Variants in SCIN observed in about 807,000 individuals in gnomAD.
SCIN encodes the protein scinderin.
SCIN carries 91 observed loss-of-function variants against 91.8 expected under a neutral mutation model. The observed-to-expected ratio is 0.99, with a 90% CI of 0.84 to 1.18. The LOEUF (loss-of-function observed/expected upper bound fraction) is 1.18, where lower values mean the gene tolerates loss of function less well. SCIN is among the 50% of genes most tolerant of loss of function. The probability of loss-of-function intolerance (pLI) is 0.00; values close to 1 mark genes in which losing one functional copy is unlikely to be tolerated. For synonymous variants in SCIN, 367 were observed against 312.6 expected (o/e 1.17, Z -1.84); for missense variants, 1,087 against 863.9 (o/e 1.26, Z -3.24).
intron 13 of SCIN, among the ~76,000 whole-genome samples, chr7:12,645,454 A>G (rs1783945921): frequency 8.2e-6 from 1 of 121,444 alleles, no homozygotes; most frequent in African/African-American, 3.1e-5. Flanking sequence ...CTGCCTACAA[A>G]CCACGGTGAC....
intron 3 of SCIN, among the ~76,000 whole-genome samples, chr7:12,601,792 A>G (rs1237768152): frequency 6.6e-6 from 1 of 152,222 alleles, no homozygotes; most frequent in Admixed American, 6.5e-5. Context: ...TTTTGTTTCT[A>G]CTTAAATGTA....
intron 9 of SCIN, 33 bp downstream of exon 9, chr7:12,629,255 AC>A: frequency 6.3e-7 from 1 of 1,579,428 alleles, no homozygotes; most frequent in Non-Finnish European, 8.6e-7. Context: ...CTCGAGTTCC[AC>A]AGGAGCCAGA....
At chr7:12,584,898 G>A (rs1782556270) in intron 3 of SCIN, among the ~76,000 whole-genome samples, 1 of 152,144 alleles carries the variant, frequency 6.6e-6, no homozygotes, top group South Asian at 2.1e-4. Context: ...TTTGGAGTCT[G>A]GGGTTAACTC....
At chr7:12,610,161 CA>C (rs1431734811) in intron 4 of SCIN, among the ~76,000 whole-genome samples, 2 of 152,132 alleles carry the variant, frequency 1.3e-5, no homozygotes, top group East Asian at 3.9e-4. Flanking sequence ...GATTAAACTC[CA>C]AAGGTTCTCC....
In SCIN at chr7:12,608,547, G is replaced by A. The variant is rs141602964; in HGVS notation, c.666+3884G>A. 3.3e-4 allele frequency among the ~76,000 whole-genome samples: 50 copies of A among 151,876 alleles called. No individual in the cohort carries two copies. The East Asian group carries it at 8.7e-3, about 26-fold the overall frequency. On this transcript the variant is annotated intron_variant, in intron 4 of 15. Transcript: ENST00000297029. ...GTCTAGAGTGCAGTGGTACGGTCTCGGCACACTGCAGCCTCTGCCTTCTGG... is the reference window on the plus strand; with the variant it reads ...GTCTAGAGTGCAGTGGTACGGTCTCAGCACACTGCAGCCTCTGCCTTCTGG...
At chr7:12,629,244 T>C (rs1379319291) in intron 9 of SCIN, 22 bp downstream of exon 9, 2 of 1,587,258 alleles carry the variant, frequency 1.3e-6, no homozygotes, top group Non-Finnish European at 1.7e-6. Context: ...CGGGTAAAGA[T>C]CTCGAGTTCC....
chr7:12,607,215 T>C (rs1783096599), intron 4 of SCIN, among the ~76,000 whole-genome samples: 1 of 152,194 alleles, frequency 6.6e-6, no homozygotes, highest in Non-Finnish European at 1.5e-5. Flanking sequence ...AGTGAAGGGT[T>C]AGACAAAATG....
chr7:12,629,237 G>A lies in SCIN; in HGVS notation c.1319+15G>A. 6.3e-7 allele frequency: 1 copy of A among 1,590,082 alleles called. No individual in the cohort carries two copies. The highest frequency in any genetic ancestry group is 1.2e-5 in the South Asian group (1 of 85,850). On this transcript the variant is annotated intron_variant, in intron 9 of 15. Transcript: ENST00000297029. Reference sequence around the variant, plus strand: ...ATCTACACGTGGTGAGTTTATACGGGTAAAGATCTCGAGTTCCACAGGAGC... The same window carrying A: ...ATCTACACGTGGTGAGTTTATACGGATAAAGATCTCGAGTTCCACAGGAGC...
intron 3 of SCIN, among the ~76,000 whole-genome samples, chr7:12,581,471 A>G (rs1782487176): frequency 6.6e-6 from 1 of 152,194 alleles, no homozygotes; most frequent in Admixed American, 6.5e-5. Flanking sequence ...ACTAATTTTT[A>G]ATACATTTCC....
intron 11 of SCIN, among the ~76,000 whole-genome samples, chr7:12,642,485 C>T (rs540327624): frequency 6.6e-6 from 1 of 151,910 alleles, no homozygotes; most frequent in Admixed American, 6.6e-5. Flanking sequence ...TTTCTCTGTC[C>T]TTCTTAAGAG....
intron 3 of SCIN, among the ~76,000 whole-genome samples, chr7:12,598,852 G>A (rs1193409627): frequency 6.6e-6 from 1 of 151,956 alleles, no homozygotes. Flanking sequence ...AAGCTGCAGC[G>A]AGCCAAGACT....
chr7:12,587,965 C>T (rs1782625659), intron 3 of SCIN, among the ~76,000 whole-genome samples: 1 of 152,208 alleles, frequency 6.6e-6, no homozygotes, highest in South Asian at 2.1e-4. Context: ...TCCTCACTTA[C>T]TCCTGGCCAA....
chr7:12,651,366 A>G lies in SCIN; in HGVS notation c.1960-475A>G, dbSNP rs1011992101. Among the ~76,000 whole-genome samples the G allele has an allele frequency of 1.3e-5, 2 of 152,230 alleles. No individual in the cohort carries two copies. Among genetic ancestry groups the G allele is most frequent in the South Asian group, 2.1e-4 (1 of 4,832 alleles). The stretch of plus-strand genomic sequence containing the variant: ...CCGGCTGCACCACTGCAGATTCTCT[A>G]CAGATGCAGATCTTCCCCTACAAAA... On this transcript the variant is annotated intron_variant, in intron 14 of 15. Transcript: ENST00000297029. This position sits in a 1 kb window ranked among gnomAD's most constrained non-coding sequence, Gnocchi z 5.9.
intron 4 of SCIN, among the ~76,000 whole-genome samples, chr7:12,612,141 T>A (rs1783205238): frequency 6.6e-6 from 1 of 152,228 alleles, no homozygotes; most frequent in African/African-American, 2.4e-5. Flanking sequence ...TTATTTATCC[T>A]GCTTTTATTT....
chr7:12,604,058 A>G (rs919606817), intron 3 of SCIN, among the ~76,000 whole-genome samples: 2 of 152,064 alleles, frequency 1.3e-5, no homozygotes, highest in Non-Finnish European at 2.9e-5. Flanking sequence ...TCCACAATGT[A>G]TACATATATC....
intron 9 of SCIN, among the ~76,000 whole-genome samples, chr7:12,632,224 G>T (rs574752345): frequency 6.6e-6 from 1 of 151,418 alleles, no homozygotes; most frequent in Non-Finnish European, 1.5e-5. Context: ...TCCGCCTCCC[G>T]GGTTCAAGCT....
rs565121840 is a variant in SCIN at position 12,651,467 on chromosome 7, G to C, written c.1960-374G>C. ...CGAAATATGTCAAAGAAGTGTATTCGGAGGTGAAATATTTTGGTTTCCTTC... is the reference window on the plus strand; with the variant it reads ...CGAAATATGTCAAAGAAGTGTATTCCGAGGTGAAATATTTTGGTTTCCTTC... On this transcript the variant is annotated intron_variant, in intron 14 of 15. Transcript: ENST00000297029. This position sits in a 1 kb window ranked among gnomAD's most constrained non-coding sequence, Gnocchi z 5.9. 6.6e-6 allele frequency among the ~76,000 whole-genome samples: 1 copy of C among 152,038 alleles called. No individual in the cohort carries two copies. Among genetic ancestry groups the C allele is most frequent in the Non-Finnish European group, 1.5e-5 (1 of 68,016 alleles).
Position 12,573,238 on chromosome 7 carries a change from C to A in SCIN, c.199+2253C>A, listed in dbSNP as rs2115197631. 1.3e-5 allele frequency among the ~76,000 whole-genome samples: 2 copies of A among 152,098 alleles called. 1 individual carries two copies. The highest frequency in any genetic ancestry group is 4.2e-4 in the South Asian group (2 of 4,816). On this transcript the variant is annotated intron_variant, in intron 1 of 15. Transcript: ENST00000297029. ...AGAGAGACAGATTGAGAGAAAGTCA[C>A]AGGAGAGAGAGCTGAACTTCCAGGG...
At chr7:12,614,571 G>T (rs1438047371) in intron 4 of SCIN, among the ~76,000 whole-genome samples, 1 of 152,148 alleles carries the variant, frequency 6.6e-6, no homozygotes, top group South Asian at 2.1e-4. Flanking sequence ...AGTAAAGTGA[G>T]ACAACATTTT....
Sources: allele counts gnomAD v4.1 joint callset (sites outside exome capture counted in the v4.1 genomes callset), GRCh38; gene constraint gnomAD v4.1.1; non-coding constraint Gnocchi (gnomAD v3.1); transcripts MANE v1.5; gene names NCBI Gene and HGNC (gene_info 2026-07-23, HGNC 2026-07-21).